The following ATP9A variants were observed in gnomAD, a reference collection of about 807,000 sequenced individuals.
ATP9A encodes the protein ATPase phospholipid transporting 9A.
A neutral mutation model predicts 144.1 loss-of-function variants in ATP9A; 52 were observed. The ratio of observed to expected loss-of-function variants is 0.36; its 90% CI spans 0.29 to 0.45. The LOEUF (loss-of-function observed/expected upper bound fraction) is 0.45. Among genes scored for constraint, ATP9A ranks in the 20% least tolerant of loss-of-function variants. The pLI is 1.00. For missense variants in ATP9A, 947 were observed against 1,392.7 expected, an observed-to-expected ratio of 0.68 and a Z score of 5.09; for synonymous variants, 582 against 557.4, an observed-to-expected ratio of 1.04 and a Z score of -0.62.
intron 15 of ATP9A, among the ~76,000 whole-genome samples, chr20:51,637,248 C>T (rs1453703112): frequency 2.2e-5 from 3 of 133,678 alleles, no homozygotes; most frequent in African/African-American, 8.3e-5. Flanking sequence ...GATAGGAGGG[C>T]GAGAAAAAGC....
At chr20:51,610,559 A>G (rs2077181109) in intron 23 of ATP9A, among the ~76,000 whole-genome samples, 1 of 152,142 alleles carries the variant, frequency 6.6e-6, no homozygotes, top group Non-Finnish European at 1.5e-5. Flanking sequence ...TGATCTCCAG[A>G]GCAGCCCACA....
At chr20:51,762,296 C>T (rs914300857) in intron 1 of ATP9A, among the ~76,000 whole-genome samples, 1 of 152,002 alleles carries the variant, frequency 6.6e-6, no homozygotes, top group East Asian at 1.9e-4. Flanking sequence ...GTCAAGAGAT[C>T]GAGACCATCT....
At chr20:51,650,735 C>T (rs1225219543) in intron 14 of ATP9A, among the ~76,000 whole-genome samples, 1 of 151,984 alleles carries the variant, frequency 6.6e-6, no homozygotes. Flanking sequence ...ATGTGCTAGC[C>T]ATGGAGACAC....
intron 1 of ATP9A, among the ~76,000 whole-genome samples, chr20:51,735,459 T>C (rs1191229248): frequency 6.6e-6 from 1 of 152,200 alleles, no homozygotes; most frequent in Non-Finnish European, 1.5e-5. Flanking sequence ...TCTACACATA[T>C]TGTCTATGGG....
In ATP9A at chr20:51,639,356, C is replaced by A. The variant is rs1256304115; in HGVS notation, c.1655G>T (p.Gly552Val). The A allele has an allele frequency of 1.2e-6, 2 of 1,613,158 alleles. No homozygotes were observed. Among genetic ancestry groups the A allele is most frequent in the Non-Finnish European group, 8.5e-7 (1 of 1,179,654 alleles). ...FPFTYESKRM[G>V]IIVRDESTGE... ...AAAACGACTCACCCGCACGATGATG[C>A]CCATACGTTTGCTTTCATAGGTGAA... is the stretch of plus-strand genomic sequence containing the variant. The change falls in exon 15 of 28, where the codon GGC (glycine) becomes GTC (valine). Residue 552 changes from glycine to valine, a missense_variant. Gly to Val is a moderately radical substitution (Grantham distance 109, BLOSUM62 -3). Around this residue, in one of 2 missense-constraint regions of ATP9A, gnomAD observed 770 missense variants for 1,047.9 expected, o/e 0.73. Transcript: ENST00000338821.
intron 10 of ATP9A, among the ~76,000 whole-genome samples, chr20:51,675,065 G>A (rs987768398): frequency 2.6e-5 from 4 of 152,122 alleles, no homozygotes; most frequent in Admixed American, 1.3e-4. Flanking sequence ...ACCTGCCTCG[G>A]CCTCCCAAAG....
intron 4 of ATP9A, among the ~76,000 whole-genome samples, chr20:51,705,118 T>A (rs927377717): frequency 4.6e-5 from 7 of 152,254 alleles, no homozygotes; most frequent in African/African-American, 1.7e-4. Context: ...TTTAGGAATA[T>A]AAAGTTTCAA....
At chr20:51,605,612 T>C (rs918723577) in intron 26 of ATP9A, among the ~76,000 whole-genome samples, 3 of 151,158 alleles carry the variant, frequency 2.0e-5, no homozygotes, top group South Asian at 2.1e-4. Context: ...AGTGAGCCCC[T>C]GTCTCAAAAA....
chr20:51,690,676 G>GC, intron 8 of ATP9A, 63 bp downstream of exon 8: 1 of 1,365,580 alleles, frequency 7.3e-7, no homozygotes, highest in South Asian at 1.2e-5. Flanking sequence ...GTACTTCTTG[G>GC]CCTTCATTTC....
intron 22 of ATP9A, among the ~76,000 whole-genome samples, chr20:51,616,194 G>C (rs1421811598): frequency 6.6e-6 from 1 of 152,148 alleles, no homozygotes; most frequent in Non-Finnish European, 1.5e-5. Flanking sequence ...AACCAGAAAG[G>C]GTGGTAAAGA....
intron 13 of ATP9A, 73 bp from the exon 14 acceptor site, chr20:51,657,223 G>A (rs2077390925): frequency 7.9e-7 from 1 of 1,273,834 alleles, no homozygotes; most frequent in Non-Finnish European, 1.1e-6. Flanking sequence ...GAACAGCCGT[G>A]CAGCTATTGT....
In ATP9A at chr20:51,657,067, G is replaced by A. The variant is rs202105389; in HGVS notation, c.1377C>T (p.Ala459=). ...RRTMSSRVHE[A]VKAIALCHNV... is the part of the protein sequence containing the mutation. Reference sequence around the variant, plus strand: ...TGTGGCAGAGCGCGATGGCCTTCACGGCTTCGTGCACGCGGCTGCTCATGG... The same window carrying A: ...TGTGGCAGAGCGCGATGGCCTTCACAGCTTCGTGCACGCGGCTGCTCATGG... Residue 459 remains alanine, a synonymous_variant, in exon 14 of 28, where the codon GCC becomes GCT. Coordinates refer to ENST00000338821, the MANE Select transcript of ATP9A (RefSeq NM_006045.3). 2.8e-5 allele frequency: 46 copies of A among 1,614,202 alleles called. No individual in the cohort carries two copies. Among genetic ancestry groups the A allele is most frequent in the South Asian group, 1.3e-4 (12 of 91,086 alleles).
chr20:51,766,026 C>T (rs1048323788), intron 1 of ATP9A, among the ~76,000 whole-genome samples: 3 of 152,190 alleles, frequency 2.0e-5, no homozygotes, highest in African/African-American at 7.2e-5. Flanking sequence ...TCCAACGCAA[C>T]CTAGAAAACT....
At chr20:51,613,072 T>G (rs181581041) in intron 23 of ATP9A, among the ~76,000 whole-genome samples, 1 of 149,432 alleles carries the variant, frequency 6.7e-6, no homozygotes, top group East Asian at 1.9e-4. Context: ...CTCATCCATA[T>G]TCAGCCTCAG....
chr20:51,672,742 A>T (rs1306862958), intron 11 of ATP9A, among the ~76,000 whole-genome samples: 1 of 152,192 alleles, frequency 6.6e-6, no homozygotes, highest in Non-Finnish European at 1.5e-5. Flanking sequence ...TTTAATATTT[A>T]CTAATTATCA....
intron 1 of ATP9A, among the ~76,000 whole-genome samples, chr20:51,744,939 G>A (rs1362408711): frequency 6.6e-6 from 1 of 152,144 alleles, no homozygotes; most frequent in African/African-American, 2.4e-5. Flanking sequence ...AGACCAGCCT[G>A]GCCAACATGA....
chr20:51,657,458 A>G (rs2077392108), intron 13 of ATP9A, among the ~76,000 whole-genome samples: 1 of 152,118 alleles, frequency 6.6e-6, no homozygotes, highest in Non-Finnish European at 1.5e-5. Context: ...TGACAGAATG[A>G]GGACCCCACT....
At chr20:51,690,307 C>T (rs2122817460) in intron 8 of ATP9A, among the ~76,000 whole-genome samples, 1 of 151,894 alleles carries the variant, frequency 6.6e-6, no homozygotes, top group East Asian at 1.9e-4. Context: ...GTAATCCCAG[C>T]TACTTGGGAG....
At chr20:51,661,997 C>T (rs2077412804) in intron 13 of ATP9A, among the ~76,000 whole-genome samples, 1 of 152,208 alleles carries the variant, frequency 6.6e-6, no homozygotes, top group Non-Finnish European at 1.5e-5. Context: ...GTTGTCACAA[C>T]TGTGAGGGGA....
Sources: allele counts gnomAD v4.1 joint callset (sites outside exome capture counted in the v4.1 genomes callset), GRCh38; gene constraint gnomAD v4.1.1; regional missense constraint gnomAD v4.1.1; transcripts MANE v1.5; gene names NCBI Gene and HGNC (gene_info 2026-07-23, HGNC 2026-07-21).